Variants in APLF observed in about 807,000 individuals in gnomAD.
APLF encodes aprataxin and PNKP like factor.
Under a neutral mutation model 55.6 loss-of-function variants are expected in APLF, and 61 were observed. The ratio of observed to expected loss-of-function variants is 1.10; its 90% confidence interval spans 0.89 to 1.36. The LOEUF (loss-of-function observed/expected upper bound fraction) is 1.36, where lower values mean the gene tolerates loss of function less well. APLF is among the 40% of genes most tolerant of loss of function. APLF has a pLI of 0.00. For synonymous variants in APLF, 207 were observed against 214.8 expected, an observed-to-expected ratio of 0.96 and a Z score of 0.32; for missense variants, 611 against 602.5, an observed-to-expected ratio of 1.01 and a Z score of -0.15.
chr2:68,494,218 C>T (rs1676464357), intron 2 of APLF, among the ~76,000 whole-genome samples: 1 of 128,388 alleles, frequency 7.8e-6, no homozygotes, highest in African/African-American at 3.0e-5. Context: ...ACAGAGATAG[C>T]AGTAAGCTGA....
Position 68,516,518 on chromosome 2 carries a change from T to C in APLF, c.622+2838T>C, listed in dbSNP as rs111362033. 2.2e-4 allele frequency among the ~76,000 whole-genome samples: 33 copies of C among 151,424 alleles called. 1 individual carries two copies. The highest frequency in any genetic ancestry group is 7.5e-4 in the African/African-American group (31 of 41,416). The stretch of plus-strand genomic sequence containing the variant: ...GGATAAGTTATTTAGTGATGATTTC[T>C]GAGATTTTGGTGCACCCATTACCCG... On this transcript the variant is annotated intron_variant, in intron 5 of 9. Transcript: ENST00000303795.
intron 3 of APLF, among the ~76,000 whole-genome samples, chr2:68,509,247 T>C (rs1676968822): frequency 6.6e-6 from 1 of 152,136 alleles, no homozygotes; most frequent in Non-Finnish European, 1.5e-5. Flanking sequence ...AAAGAGCTTC[T>C]GCACAGCAAA....
At chr2:68,478,863 G>A (rs1424346766) in intron 1 of APLF, among the ~76,000 whole-genome samples, 2 of 152,160 alleles carry the variant, frequency 1.3e-5, no homozygotes, top group Non-Finnish European at 2.9e-5. Flanking sequence ...ATCTACAAAG[G>A]TGCTAACCCC....
At chr2:68,538,662 G>A (rs138140229) in intron 7 of APLF, among the ~76,000 whole-genome samples, 5 of 152,216 alleles carry the variant, frequency 3.3e-5, no homozygotes, top group South Asian at 2.1e-4. Flanking sequence ...ATGGTACCCT[G>A]TAAAACAACT....
chr2:68,518,890 T>C lies in APLF; in HGVS notation c.622+5210T>C, dbSNP rs1357572254. ...TTAATATGTAATAAAATATTAATAT[T>C]ATATCATTAATATATAATAAAATAA... On this transcript the variant is annotated intron_variant, in intron 5 of 9. Transcript: ENST00000303795. Among the ~76,000 whole-genome samples, 368 of 125,780 alleles carry C rather than the reference T, an allele frequency of 2.9e-3. 5 individuals carry two copies. The highest frequency in any genetic ancestry group is 0.011 in the African/African-American group (344 of 31,686). The allele number at this position is 125,780 out of a possible 152,430, so 82.5% of individuals were successfully genotyped here. A position where few individuals can be genotyped will look rare whatever the true frequency, so the allele number is the denominator to read the frequency against.
chr2:68,560,409 G>C (rs1047250663), intron 8 of APLF, among the ~76,000 whole-genome samples: 1 of 149,578 alleles, frequency 6.7e-6, no homozygotes, highest in Non-Finnish European at 1.5e-5. Context: ...GTTTGTAGGA[G>C]CATCATCAGG....
chr2:68,472,025 C>T (rs1230162914), intron 1 of APLF, among the ~76,000 whole-genome samples: 1 of 152,128 alleles, frequency 6.6e-6, no homozygotes. Flanking sequence ...CAGGGGCTTC[C>T]AGGCTATAGG....
chr2:68,541,399 G>T (rs1195203597), intron 7 of APLF, among the ~76,000 whole-genome samples: 2 of 151,706 alleles, frequency 1.3e-5, no homozygotes, highest in East Asian at 3.9e-4. Flanking sequence ...ATATGTCAAA[G>T]AACTTGTATC....
intron 8 of APLF, among the ~76,000 whole-genome samples, chr2:68,554,600 G>C (rs1670953553): frequency 6.7e-6 from 1 of 149,732 alleles, no homozygotes; most frequent in South Asian, 2.1e-4. Flanking sequence ...AGTTTTCCTT[G>C]TAGAAGAAAC....
rs545325706 is a variant in APLF at position 68,479,736 on chromosome 2, A to C, written c.97-10454A>C. On this transcript the variant is annotated intron_variant, in intron 1 of 9. Transcript: ENST00000303795. ...TTTTTAAAGAAATGGAAAGCAAAAA[A>C]GTTAGGCAAGTTATCATGTATTTTC... 6.6e-5 allele frequency among the ~76,000 whole-genome samples: 10 copies of C among 152,306 alleles called. No individual in the cohort carries two copies. The South Asian group carries it at 2.1e-3, about 32-fold the overall frequency.
intron 6 of APLF, chr2:68,528,309 C>T: frequency 1.4e-6 from 2 of 1,426,114 alleles, no homozygotes; most frequent in South Asian, 2.4e-5. Context: ...CTACTTAACA[C>T]CCTCATGTTC....
chr2:68,577,314 A>T (rs751117097), intron 9 of APLF, among the ~76,000 whole-genome samples: 1 of 152,102 alleles, frequency 6.6e-6, no homozygotes, highest in African/African-American at 2.4e-5. Context: ...GTGTATTCTC[A>T]TCTTGGAATC....
intron 1 of APLF, among the ~76,000 whole-genome samples, chr2:68,475,224 T>C (rs1042787269): frequency 6.6e-6 from 1 of 152,252 alleles, no homozygotes; most frequent in Admixed American, 6.5e-5. Context: ...TCATCATATA[T>C]TAATGATGAG....
intron 1 of APLF, among the ~76,000 whole-genome samples, chr2:68,472,202 G>C (rs1387183789): frequency 6.6e-6 from 1 of 152,132 alleles, no homozygotes; most frequent in Non-Finnish European, 1.5e-5. Context: ...TTTCTTATGA[G>C]ACCTGAAAGA....
chr2:68,511,753 A>G (rs1669377307), intron 3 of APLF, among the ~76,000 whole-genome samples: 1 of 151,738 alleles, frequency 6.6e-6, no homozygotes, highest in Admixed American at 6.6e-5. Flanking sequence ...TAGCTAGGAC[A>G]ATCAGACATT....
chr2:68,554,723 C>T (rs1210343932), intron 8 of APLF, among the ~76,000 whole-genome samples: 1 of 151,072 alleles, frequency 6.6e-6, no homozygotes, highest in Admixed American at 6.6e-5. Context: ...TATAGAAGAG[C>T]TACTGATTTG....
intron 1 of APLF, among the ~76,000 whole-genome samples, chr2:68,469,998 G>GT (rs1675568581): frequency 6.6e-6 from 1 of 152,136 alleles, no homozygotes; most frequent in African/African-American, 2.4e-5. Flanking sequence ...TTTTTATGGT[G>GT]GTAGGAAAAC....
Position 68,489,094 on chromosome 2 carries a change from A to G in APLF, c.97-1096A>G, listed in dbSNP as rs1284174033. Among the ~76,000 whole-genome samples, 4 of 151,852 alleles carry G rather than the reference A, an allele frequency of 2.6e-5. No individual in the cohort carries two copies. The East Asian group carries it at 7.7e-4, about 29-fold the overall frequency. On this transcript the variant is annotated intron_variant, in intron 1 of 9. Coordinates refer to ENST00000303795, the MANE Select transcript of APLF (RefSeq NM_173545.3). ...TCTTGGATAGCCATTGTGGCTAACA[A>G]TAGATTGTGAAAAATTCATTCATGT... is the stretch of plus-strand genomic sequence containing the variant.
intron 9 of APLF, among the ~76,000 whole-genome samples, chr2:68,576,275 C>A (rs557397847): frequency 6.6e-6 from 1 of 152,042 alleles, no homozygotes; most frequent in Non-Finnish European, 1.5e-5. Context: ...TTCCCTTTCC[C>A]GACTGCAAAC....
Sources: allele counts gnomAD v4.1 joint callset (sites outside exome capture counted in the v4.1 genomes callset), GRCh38; gene constraint gnomAD v4.1.1; transcripts MANE v1.5; gene names NCBI Gene and HGNC (gene_info 2026-07-23, HGNC 2026-07-21).